CDRT4: variants seen among roughly 807,000 people sequenced by gnomAD.
CDRT4 encodes CMT1A duplicated region transcript 4.
For missense variants in CDRT4, 167 were observed against 193.1 expected (o/e 0.87, Z 0.80); for synonymous variants, 64 against 69.6 (o/e 0.92, Z 0.40).
intron 1 of CDRT4, among the ~76,000 whole-genome samples, chr17:15,456,912 T>G (rs1445062482): frequency 6.6e-6 from 1 of 152,190 alleles, no homozygotes; most frequent in East Asian, 1.9e-4. Flanking sequence ...TCTGCATTGT[T>G]AAAGCCATTG....
intron 1 of CDRT4, among the ~76,000 whole-genome samples, chr17:15,466,379 A>T (rs2906973): frequency 0.15 from 23,097 of 152,118 alleles, 3,104 homozygotes; most frequent in East Asian, 0.5. Flanking sequence ...GGAGAAGGGA[A>T]GGGCTGCCTC....
intron 2 of CDRT4, among the ~76,000 whole-genome samples, chr17:15,443,282 CTTTT>C (rs34600279): frequency 1.4e-5 from 2 of 141,134 alleles, no homozygotes. Flanking sequence ...TTTTTTCTTT[CTTTT>C]TTTTTTTTTT....
At chr17:15,465,079 TACAGACACACACAAC>T (rs1567615706) in intron 1 of CDRT4, among the ~76,000 whole-genome samples, 1 of 99,142 alleles carries the variant, frequency 1.0e-5, no homozygotes, top group Non-Finnish European at 1.9e-5. Context: ...CACACACCAA[TACAGACACACACAAC>T]ACAGACACAC....
At chr17:15,439,595 C>A (rs1019687170) in intron 3 of CDRT4, among the ~76,000 whole-genome samples, 3 of 152,162 alleles carry the variant, frequency 2.0e-5, no homozygotes, top group South Asian at 2.1e-4. Context: ...TGAGCAGCAA[C>A]CCCGTTCCAT....
At chr17:15,444,939 G>C (rs985119293) in intron 2 of CDRT4, among the ~76,000 whole-genome samples, 1 of 152,134 alleles carries the variant, frequency 6.6e-6, no homozygotes, top group Non-Finnish European at 1.5e-5. Flanking sequence ...TTAAAGTACA[G>C]AGCTAAGGAA....
chr17:15,445,248 T>C (rs1242044431), intron 2 of CDRT4, among the ~76,000 whole-genome samples: 1 of 152,106 alleles, frequency 6.6e-6, no homozygotes, highest in Non-Finnish European at 1.5e-5. Context: ...AGGTATTACT[T>C]AAAGAAAAAG....
At chr17:15,442,538 T>C (rs1017305420) in intron 2 of CDRT4, among the ~76,000 whole-genome samples, 2 of 152,228 alleles carry the variant, frequency 1.3e-5, no homozygotes, top group African/African-American at 4.8e-5. Flanking sequence ...CCTTTCATCA[T>C]TGCTTCTAAG....
At position 15,436,464 on chromosome 17, in the gene CDRT4, C is replaced by G. The variant is rs1978491310; in HGVS notation, c.*1309G>C. On this transcript the variant is annotated 3_prime_UTR_variant, in exon 4 of 4. Transcript: ENST00000619038. Reference sequence around the variant, plus strand: ...CAAACATGAAACCAGCTGGGTCAGCCTGTCATAATTGGATCCCTCTTGCAT... The same window carrying G: ...CAAACATGAAACCAGCTGGGTCAGCGTGTCATAATTGGATCCCTCTTGCAT... The G allele has an allele frequency of 6.6e-6, 1 of 152,244 alleles. No individual in the cohort carries two copies. The highest frequency in any genetic ancestry group is 1.5e-5 in the Non-Finnish European group (1 of 68,066). The allele number at this position is 152,244 out of a possible 1,614,324, so 9.4% of individuals were successfully genotyped here. A position where few individuals can be genotyped will look rare whatever the true frequency, so the allele number is the denominator to read the frequency against.
At chr17:15,462,143 T>C (rs1979777979) in intron 1 of CDRT4, among the ~76,000 whole-genome samples, 1 of 55,020 alleles carries the variant, frequency 1.8e-5, no homozygotes, top group East Asian at 5.6e-4. Flanking sequence ...CAAGAAAAGA[T>C]TCTAGGCCGG....
chr17:15,437,618 T>A lies in CDRT4; in HGVS notation c.*155A>T, dbSNP rs1470696648. ...CCCACCTACAGCTTGCATTCTGATCTGGTTTCTCTTAGCCAAGCTCCGCAT... is the reference window on the plus strand; with the variant it reads ...CCCACCTACAGCTTGCATTCTGATCAGGTTTCTCTTAGCCAAGCTCCGCAT... On this transcript the variant is annotated 3_prime_UTR_variant, in exon 4 of 4. Transcript: ENST00000619038. 7 of 749,878 alleles carry A rather than the reference T, an allele frequency of 9.3e-6. No individual in the cohort carries two copies. Among genetic ancestry groups the A allele is most frequent in the Non-Finnish European group, 1.3e-5 (6 of 469,602 alleles). 46.5% of individuals were successfully genotyped at this position (749,878 alleles called of 1,614,324 possible). A position where few individuals can be genotyped will look rare whatever the true frequency, so the allele number is the denominator to read the frequency against.
At chr17:15,447,727 A>G (rs935819783) in intron 2 of CDRT4, among the ~76,000 whole-genome samples, 5 of 152,224 alleles carry the variant, frequency 3.3e-5, no homozygotes, top group African/African-American at 1.2e-4. Flanking sequence ...GTCATTATCT[A>G]TTGATCTATT....
At chr17:15,467,403 C>T (rs1452557456) in intron 1 of CDRT4, 57 bp downstream of exon 1, 5 of 152,226 alleles carry the variant, frequency 3.3e-5, no homozygotes, top group Non-Finnish European at 7.3e-5. Flanking sequence ...AGCCTTTTCA[C>T]TTTCACCCTC....
chr17:15,462,554 T>C (rs995699996), intron 1 of CDRT4, among the ~76,000 whole-genome samples: 3 of 151,930 alleles, frequency 2.0e-5, no homozygotes, highest in African/African-American at 4.8e-5. Flanking sequence ...GCAGACAGAA[T>C]TGCCCATATA....
intron 2 of CDRT4, among the ~76,000 whole-genome samples, chr17:15,448,088 G>A (rs1979105342): frequency 6.6e-6 from 1 of 152,178 alleles, no homozygotes; most frequent in African/African-American, 2.4e-5. Context: ...GGGACATTGT[G>A]AACCTGGAGA....
chr17:15,446,962 A>G lies in CDRT4; in HGVS notation c.-48+6042T>C, dbSNP rs1979055208. The stretch of plus-strand genomic sequence containing the variant: ...ACACATGCACACATTCAAAAAACCT[A>G]TCCTGAGCTCCAAACATTACTCTTC... On this transcript the variant is annotated intron_variant, in intron 2 of 3. Transcript: ENST00000619038. 3.3e-5 allele frequency among the ~76,000 whole-genome samples: 5 copies of G among 152,308 alleles called. No individual in the cohort carries two copies. The South Asian group carries it at 8.3e-4, about 25-fold the overall frequency.
chr17:15,456,563 TACACACACACACACAC>T (rs3029212), intron 1 of CDRT4, among the ~76,000 whole-genome samples: 7 of 145,614 alleles, frequency 4.8e-5, no homozygotes, highest in Admixed American at 1.4e-4. Context: ...AATCTTCCTT[TACACACACACACACAC>T]ACACACACAC....
chr17:15,438,488 A>AT (rs1978608347), intron 3 of CDRT4, among the ~76,000 whole-genome samples: 1 of 152,160 alleles, frequency 6.6e-6, no homozygotes, highest in Non-Finnish European at 1.5e-5. Flanking sequence ...CTGAACTTCT[A>AT]TTTTTTCACC....
intron 1 of CDRT4, among the ~76,000 whole-genome samples, chr17:15,466,046 A>G (rs1980025615): frequency 9.3e-6 from 1 of 108,004 alleles, no homozygotes; most frequent in Non-Finnish European, 1.8e-5. Flanking sequence ...AAAGGGAGGG[A>G]GAGGGAGGGA....
chr17:15,436,897 G>C lies in CDRT4; in HGVS notation c.*876C>G, dbSNP rs1978514267. The C allele has an allele frequency of 6.6e-6, 1 of 152,132 alleles. No individual in the cohort carries two copies. Among genetic ancestry groups the C allele is most frequent in the African/African-American group, 2.4e-5 (1 of 41,422 alleles). 9.4% of individuals were successfully genotyped at this position (152,132 alleles called of 1,614,324 possible). ...ACATTCTGGCTTTGTGCCCTGATAGGCTCAGCCCCCAGGGGGAGCTAGAAG... is the reference window on the plus strand; with the variant it reads ...ACATTCTGGCTTTGTGCCCTGATAGCCTCAGCCCCCAGGGGGAGCTAGAAG... On this transcript the variant is annotated 3_prime_UTR_variant, in exon 4 of 4. Transcript: ENST00000619038.
Sources: gnomAD v4.1 joint callset for allele counts (sites outside exome capture counted in the v4.1 genomes callset) on GRCh38, gnomAD v4.1.1 for gene constraint, MANE v1.5 for transcripts, NCBI Gene and HGNC (gene_info 2026-07-23, HGNC 2026-07-21) for gene names.